Variants in PDGFRB observed in about 807,000 individuals in gnomAD.
PDGFRB encodes the protein platelet-derived growth factor receptor beta.
In PDGFRB, 42 loss-of-function variants were observed where a neutral mutation model predicts 120.2. That is an observed-to-expected ratio of 0.35 (90% CI 0.27 to 0.45). The LOEUF (loss-of-function observed/expected upper bound fraction) is 0.45. Ranked by LOEUF, PDGFRB falls within the 20% of genes least tolerant of loss-of-function variation. The pLI is 1.00. For missense variants in PDGFRB, 1,149 were observed against 1,476.3 expected (o/e 0.78, Z 3.63); for synonymous variants, 586 against 606.8 (o/e 0.97, Z 0.50).
chr5:150,116,780 T>C (rs1300706724), intron 22 of PDGFRB, among the ~76,000 whole-genome samples: 1 of 152,162 alleles, frequency 6.6e-6, no homozygotes. Flanking sequence ...GACTCTTGGA[T>C]GGTTGGCCTC....
At chr5:150,124,868 A>G (rs1453297751) in intron 12 of PDGFRB, 37 bp from the exon 13 acceptor site, 1 of 1,096,444 alleles carries the variant, frequency 9.1e-7, no homozygotes. Flanking sequence ...CTGGCCTACC[A>G]GGAAGCTGCA....
chr5:150,155,060 C>T (rs1761193392), intron 1 of PDGFRB, among the ~76,000 whole-genome samples: 1 of 152,120 alleles, frequency 6.6e-6, no homozygotes, highest in Admixed American at 6.6e-5. Context: ...CCCAATTCCC[C>T]TCTCCCGCTC....
In PDGFRB at chr5:150,117,795, C is replaced by T. The variant is rs35731372; in HGVS notation, c.2960G>A (p.Arg987Gln). The change falls in exon 22 of 23, where the codon CGG (arginine) becomes CAG (glutamine). Residue 987 changes from arginine (R) to glutamine (Q), a missense_variant. Coordinates refer to ENST00000261799, the MANE Select transcript of PDGFRB (RefSeq NM_002609.4). ...GAACCCAGGCAAGCGGGCCTGGGAC[C>T]GAAGGATGGCTGGGTGGTCACTCCT... Reference protein sequence around the residue: ...FLRSDHPAILRSQARLPGFHG... With the variant: ...FLRSDHPAILQSQARLPGFHG... 3.0e-4 allele frequency: 478 copies of T among 1,613,844 alleles called. 7 individuals are homozygous for T. Among genetic ancestry groups the T allele is most frequent in the South Asian group, 1.3e-3 (116 of 91,070 alleles).
intron 1 of PDGFRB, among the ~76,000 whole-genome samples, chr5:150,147,819 AAGG>A (rs1392772780): frequency 6.6e-6 from 1 of 152,122 alleles, no homozygotes; most frequent in African/African-American, 2.4e-5. Context: ...AGGGCTATTG[AAGG>A]AGTTAACACA....
At position 150,121,858 on chromosome 5, in the gene PDGFRB, C is replaced by T; in HGVS notation, c.2344+22G>A. ...CATCAGCCTGTTTGGATGTGGGGTA[C>T]TATGTCACTATGTCCACCCACCAGA... On this transcript the variant is annotated intron_variant, in intron 16 of 22. Coordinates refer to ENST00000261799, the MANE Select transcript of PDGFRB (RefSeq NM_002609.4). The surrounding 1 kb of genome is among the most constrained non-coding windows in gnomAD (Gnocchi z 4.1). 1.3e-6 allele frequency: 2 copies of T among 1,585,070 alleles called. No homozygotes were observed. Among genetic ancestry groups the T allele is most frequent in the Non-Finnish European group, 1.7e-6 (2 of 1,154,196 alleles).
At chr5:150,148,967 C>A (rs1231604598) in intron 1 of PDGFRB, among the ~76,000 whole-genome samples, 6 of 152,108 alleles carry the variant, frequency 3.9e-5, no homozygotes, top group Non-Finnish European at 1.5e-5. Flanking sequence ...CTTCAGCAAA[C>A]AGGTAGGTGA....
Position 150,123,221 on chromosome 5 carries a change from G to T in PDGFRB, c.2024-20C>A. Reference sequence around the variant, plus strand: ...TGGGTCCTGCAGAGGGACAGGCTCAGGGACAGTCCCTATGGAGGCCTCAGG... The same window carrying T: ...TGGGTCCTGCAGAGGGACAGGCTCATGGACAGTCCCTATGGAGGCCTCAGG... On this transcript the variant is annotated intron_variant, in intron 14 of 22. Coordinates refer to ENST00000261799, the MANE Select transcript of PDGFRB (RefSeq NM_002609.4). 6.2e-7 allele frequency: 1 copy of T among 1,608,066 alleles called. No homozygotes were observed.
intron 2 of PDGFRB, among the ~76,000 whole-genome samples, chr5:150,136,338 G>A (rs143665169): frequency 1.8e-4 from 27 of 152,306 alleles, no homozygotes; most frequent in African/African-American, 6.0e-4. Context: ...GTAGCTCAGA[G>A]GGGGGCCAGA....
chr5:150,119,072 C>G (rs573019961), intron 20 of PDGFRB, among the ~76,000 whole-genome samples: 3 of 152,344 alleles, frequency 2.0e-5, no homozygotes, highest in African/African-American at 7.2e-5. Flanking sequence ...GTTGACTACG[C>G]CTGGGTGAGC....
At chr5:150,145,689 C>T (rs1265032999) in intron 1 of PDGFRB, among the ~76,000 whole-genome samples, 2 of 151,828 alleles carry the variant, frequency 1.3e-5, no homozygotes, top group African/African-American at 2.4e-5. Context: ...TAAGGAGCCC[C>T]GCAAAAAGGA....
At chr5:150,140,494 C>T (rs1228666058) in intron 1 of PDGFRB, among the ~76,000 whole-genome samples, 1 of 152,228 alleles carries the variant, frequency 6.6e-6, no homozygotes, top group Non-Finnish European at 1.5e-5. Context: ...CCTCCTGATT[C>T]CTCCTATTCT....
At chr5:150,148,691 T>C (rs1760990217) in intron 1 of PDGFRB, among the ~76,000 whole-genome samples, 1 of 152,244 alleles carries the variant, frequency 6.6e-6, no homozygotes, top group Non-Finnish European at 1.5e-5. Flanking sequence ...TCCTTTTCCA[T>C]TTCTGGGAGG....
At chr5:150,145,166 T>C (rs1760887084) in intron 1 of PDGFRB, among the ~76,000 whole-genome samples, 1 of 152,270 alleles carries the variant, frequency 6.6e-6, no homozygotes, top group South Asian at 2.1e-4. Flanking sequence ...TGAAGACTTT[T>C]TCAGTGATCT....
rs754041602 is a variant in PDGFRB at position 150,135,778 on chromosome 5, G to A, written c.141C>T (p.Ser47=). The A allele has an allele frequency of 1.2e-5, 19 of 1,610,938 alleles. No homozygotes were observed. The highest frequency in any genetic ancestry group is 4.4e-5 in the South Asian group (4 of 90,592). The change falls in exon 3 of 23, where the codon TCC becomes TCT. Residue 47 remains serine, a synonymous_variant. Coordinates refer to ENST00000261799, the MANE Select transcript of PDGFRB (RefSeq NM_002609.4). The part of the protein sequence containing the change: ...PPGPELVLNV[S]STFVLTCSGS... Reference sequence around the variant, plus strand: ...CCGAGCAGGTCAGAACGAAGGTGCTGGAGACATTGAGGACAAGCTCTGGCC... The same window carrying A: ...CCGAGCAGGTCAGAACGAAGGTGCTAGAGACATTGAGGACAAGCTCTGGCC...
At chr5:150,128,995 G>C (rs569113832) in intron 10 of PDGFRB, among the ~76,000 whole-genome samples, 1 of 152,300 alleles carries the variant, frequency 6.6e-6, no homozygotes, top group East Asian at 1.9e-4. Flanking sequence ...ATACACAAAA[G>C]CATCAAGACA....
chr5:150,145,187 A>G (rs1457823787), intron 1 of PDGFRB, among the ~76,000 whole-genome samples: 1 of 152,228 alleles, frequency 6.6e-6, no homozygotes, highest in African/African-American at 2.4e-5. Context: ...ACTTCCACTT[A>G]ATATAAACTG....
chr5:150,116,774 C>T (rs1759945944), intron 22 of PDGFRB, among the ~76,000 whole-genome samples: 1 of 152,206 alleles, frequency 6.6e-6, no homozygotes, highest in Non-Finnish European at 1.5e-5. Context: ...CACTGGGACT[C>T]TTGGATGGTT....
intron 1 of PDGFRB, among the ~76,000 whole-genome samples, chr5:150,148,756 G>A (rs3776079): frequency 0.43 from 65,391 of 152,168 alleles, 14,676 homozygotes; most frequent in Middle Eastern, 0.58. Flanking sequence ...AGTAAATGGT[G>A]ACTAACAACA....
In PDGFRB at chr5:150,132,615, G is replaced by T; in HGVS notation, c.1127+135C>A. 1 of 774,166 alleles carries T rather than the reference G, an allele frequency of 1.3e-6. No individual in the cohort carries two copies. Among genetic ancestry groups the T allele is most frequent in the Non-Finnish European group, 2.0e-6 (1 of 490,496 alleles). The allele number at this position is 774,166 out of a possible 1,614,324, so 48.0% of individuals were successfully genotyped here. A position where few individuals can be genotyped will look rare whatever the true frequency, so the allele number is the denominator to read the frequency against. ...GGATGAACTGTCAGCTCTGGTCGCT[G>T]CAGCATCCCCAGCACCTGGCACCTA... On this transcript the variant is annotated intron_variant, in intron 7 of 22. Coordinates refer to ENST00000261799, the MANE Select transcript of PDGFRB (RefSeq NM_002609.4). The surrounding 1 kb of genome is among the most constrained non-coding windows in gnomAD (Gnocchi z 5.0).
Sources: allele counts gnomAD v4.1 joint callset (sites outside exome capture counted in the v4.1 genomes callset), GRCh38; gene constraint gnomAD v4.1.1; non-coding constraint Gnocchi (gnomAD v3.1); transcripts MANE v1.5; gene names NCBI Gene and HGNC (gene_info 2026-07-23, HGNC 2026-07-21).